The following CDK5RAP2 variants were observed in gnomAD, a reference collection of about 807,000 sequenced individuals.
CDK5RAP2 encodes the protein CDK5 regulatory subunit-associated protein 2.
CDK5RAP2 carries 147 observed loss-of-function variants against 232.9 expected under a neutral mutation model. The ratio of observed to expected loss-of-function variants is 0.63; its 90% confidence interval spans 0.55 to 0.72. The LOEUF (loss-of-function observed/expected upper bound fraction) is 0.72. Ranked by LOEUF, CDK5RAP2 falls within the 30% of genes least tolerant of loss-of-function variation. The pLI, the probability that CDK5RAP2 is intolerant of heterozygous loss-of-function variation, is 0.00. For synonymous variants in CDK5RAP2, 833 were observed against 833.7 expected (o/e 1.00, Z 0.01); for missense variants, 2,195 against 2,231.5 (o/e 0.98, Z 0.33).
chr9:120,441,528 G>A (rs553484906), intron 23 of CDK5RAP2, among the ~76,000 whole-genome samples: 11 of 152,216 alleles, frequency 7.2e-5, no homozygotes, highest in African/African-American at 2.2e-4. Context: ...GCCCTTCACC[G>A]GAGGCGTGCG....
intron 26 of CDK5RAP2, among the ~76,000 whole-genome samples, chr9:120,421,095 A>G (rs2034539959): frequency 6.6e-6 from 1 of 152,124 alleles, no homozygotes; most frequent in Non-Finnish European, 1.5e-5. Context: ...CCTACTTCCT[A>G]TAGAATAGTG....
chr9:120,425,461 C>T (rs1484205584), intron 25 of CDK5RAP2, among the ~76,000 whole-genome samples: 1 of 152,138 alleles, frequency 6.6e-6, no homozygotes, highest in Non-Finnish European at 1.5e-5. Flanking sequence ...TGTTGCTACA[C>T]CTAAGAGATG....
At chr9:120,538,746 C>T (rs2041501595) in intron 6 of CDK5RAP2, among the ~76,000 whole-genome samples, 1 of 152,166 alleles carries the variant, frequency 6.6e-6, no homozygotes, top group Non-Finnish European at 1.5e-5. Context: ...CATAGTTAAA[C>T]CCAGGATTAA....
chr9:120,468,789 A>G (rs2037528381), intron 17 of CDK5RAP2, among the ~76,000 whole-genome samples: 1 of 152,240 alleles, frequency 6.6e-6, no homozygotes, highest in African/African-American at 2.4e-5. Context: ...AGAAGGAACA[A>G]GCAGACACCA....
At chr9:120,526,926 C>G (rs2040924937) in intron 10 of CDK5RAP2, among the ~76,000 whole-genome samples, 2 of 152,128 alleles carry the variant, frequency 1.3e-5, no homozygotes, top group South Asian at 4.1e-4. Context: ...CCTACTTATC[C>G]TTTCAGATGC....
chr9:120,543,588 G>A (rs1250511569), intron 5 of CDK5RAP2, among the ~76,000 whole-genome samples: 1 of 152,158 alleles, frequency 6.6e-6, no homozygotes, highest in African/African-American at 2.4e-5. Flanking sequence ...GCTGGGTGCA[G>A]CGGCTCACCC....
chr9:120,528,969 T>C (rs2041027999), intron 8 of CDK5RAP2, 172 bp from the exon 9 acceptor site: 1 of 639,298 alleles, frequency 1.6e-6, no homozygotes, highest in South Asian at 1.8e-5. Context: ...CCTGCCTGAT[T>C]TGAATGAAGA....
chr9:120,410,844 C>T (rs1588261378), intron 29 of CDK5RAP2, among the ~76,000 whole-genome samples: 1 of 152,214 alleles, frequency 6.6e-6, no homozygotes, highest in African/African-American at 2.4e-5. Context: ...CATCCCAGAA[C>T]TGTTTTCAGT....
chr9:120,393,625 C>G (rs959393663), intron 36 of CDK5RAP2, among the ~76,000 whole-genome samples: 3 of 152,210 alleles, frequency 2.0e-5, no homozygotes, highest in Admixed American at 6.5e-5. Flanking sequence ...CCAACAGGCA[C>G]TAATGGAAAC....
intron 12 of CDK5RAP2, among the ~76,000 whole-genome samples, chr9:120,496,549 G>C (rs1218756736): frequency 1.4e-5 from 2 of 138,184 alleles, no homozygotes; most frequent in South Asian, 2.2e-4. Flanking sequence ...CGCCCCGTCC[G>C]GGAGGGAGGT....
intron 35 of CDK5RAP2, among the ~76,000 whole-genome samples, chr9:120,395,411 C>T (rs912528686): frequency 3.3e-5 from 5 of 152,212 alleles, no homozygotes; most frequent in African/African-American, 1.2e-4. Context: ...AAAGTATGCT[C>T]CATTAGAAGA....
intron 30 of CDK5RAP2, 106 bp from the exon 31 acceptor site, chr9:120,408,574 G>T: frequency 3.3e-6 from 4 of 1,222,342 alleles, no homozygotes; most frequent in Non-Finnish European, 4.8e-6. Context: ...ACAAGAGTGT[G>T]GACCAAGAAG....
intron 7 of CDK5RAP2, among the ~76,000 whole-genome samples, chr9:120,531,558 C>G (rs1344403399): frequency 6.6e-6 from 1 of 152,152 alleles, no homozygotes; most frequent in African/African-American, 2.4e-5. Flanking sequence ...TTAAAACAAT[C>G]TTGCACTGCT....
intron 5 of CDK5RAP2, among the ~76,000 whole-genome samples, chr9:120,543,724 G>A (rs1016342394): frequency 2.0e-5 from 3 of 152,076 alleles, no homozygotes; most frequent in Non-Finnish European, 4.4e-5. Context: ...TGAGCATGGC[G>A]GCACATGCCT....
intron 18 of CDK5RAP2, among the ~76,000 whole-genome samples, chr9:120,463,167 C>G (rs760842773): frequency 3.9e-5 from 6 of 152,062 alleles, no homozygotes; most frequent in African/African-American, 1.4e-4. Context: ...GTCAGGAGAT[C>G]GAGACCATCC....
intron 28 of CDK5RAP2, among the ~76,000 whole-genome samples, chr9:120,413,827 G>GGGAGGAGGGAGGAGGGAA (rs969968690): frequency 2.7e-5 from 4 of 145,928 alleles, no homozygotes; most frequent in Non-Finnish European, 3.0e-5. Context: ...GGAGGGAGGA[G>GGGAGGAGGGAGGAGGGAA]GGAGGAGGGA....
chr9:120,402,143 A>T (rs912700612), intron 34 of CDK5RAP2, among the ~76,000 whole-genome samples: 5 of 152,120 alleles, frequency 3.3e-5, no homozygotes, highest in Non-Finnish European at 7.4e-5. Flanking sequence ...AATTTTTTTT[A>T]AAAGCCAGGT....
At chr9:120,413,788 A>C (rs2034003319) in intron 28 of CDK5RAP2, among the ~76,000 whole-genome samples, 1 of 139,172 alleles carries the variant, frequency 7.2e-6, no homozygotes, top group Admixed American at 7.2e-5. Flanking sequence ...GGGTATATGC[A>C]GGAAATGGGC....
rs113812981 is a variant in CDK5RAP2, at chr9:120,474,755, T to A, written c.1727+2595A>T. On this transcript the variant is annotated intron_variant, in intron 15 of 37. Coordinates refer to ENST00000349780, the MANE Select transcript of CDK5RAP2 (RefSeq NM_018249.6). ...AAAGTGAAAGGATCAGCCACATTCT[T>A]GCTCACAATGAGTTTCCTCCCTTCT... 2.6e-3 allele frequency among the ~76,000 whole-genome samples: 396 copies of A among 152,344 alleles called. 3 individuals carry two copies. Among genetic ancestry groups the A allele is most frequent in the African/African-American group, 8.7e-3 (362 of 41,572 alleles).
Sources: gnomAD v4.1 joint callset for allele counts (sites outside exome capture counted in the v4.1 genomes callset) on GRCh38, gnomAD v4.1.1 for gene constraint, MANE v1.5 for transcripts, NCBI Gene and HGNC (gene_info 2026-07-23, HGNC 2026-07-21) for gene names.